HIVEP2: variants seen among roughly 807,000 people sequenced by gnomAD.
The protein encoded by HIVEP2 is HIVEP zinc finger 2.
In HIVEP2, 14 loss-of-function variants were observed where a neutral mutation model predicts 180.7. That is an observed-to-expected ratio of 0.08 (90% confidence interval 0.05 to 0.12). The LOEUF is 0.12. Among genes scored for constraint, HIVEP2 ranks in the 10% least tolerant of loss-of-function variants. The pLI is 1.00. For missense variants in HIVEP2, 2,579 were observed against 3,008.5 expected (o/e 0.86, Z 3.34); for synonymous variants, 1,184 against 1,136.4 (o/e 1.04, Z -0.84).
intron 1 of HIVEP2, among the ~76,000 whole-genome samples, chr6:142,936,824 G>T (rs906130068): frequency 2.6e-5 from 4 of 151,234 alleles, no homozygotes; most frequent in Admixed American, 6.6e-5. Flanking sequence ...TGAAGGCAAG[G>T]AATTTTTTTT....
At chr6:142,789,036 A>AT (rs1776074493) in intron 2 of HIVEP2, among the ~76,000 whole-genome samples, 1 of 152,194 alleles carries the variant, frequency 6.6e-6, no homozygotes, top group South Asian at 2.1e-4. Flanking sequence ...TTTCTCTATG[A>AT]TTATATATAC....
At chr6:142,885,497 A>G (rs1187207312) in intron 1 of HIVEP2, among the ~76,000 whole-genome samples, 1 of 152,140 alleles carries the variant, frequency 6.6e-6, no homozygotes, top group Admixed American at 6.6e-5. Context: ...AAGCTAAACA[A>G]CAAGCCGTGG....
At chr6:142,938,699 C>G (rs1485241042) in intron 1 of HIVEP2, among the ~76,000 whole-genome samples, 1 of 152,242 alleles carries the variant, frequency 6.6e-6, no homozygotes, top group Non-Finnish European at 1.5e-5. Context: ...CATTTACCTA[C>G]TGCCCTAGTT....
At chr6:142,781,568 C>T (rs923098470) in intron 3 of HIVEP2, among the ~76,000 whole-genome samples, 4 of 152,154 alleles carry the variant, frequency 2.6e-5, no homozygotes, top group African/African-American at 4.8e-5. Context: ...CTGGCAGGCT[C>T]ATCACACTTT....
chr6:142,931,882 A>G (rs1329164385), intron 1 of HIVEP2, among the ~76,000 whole-genome samples: 3 of 152,196 alleles, frequency 2.0e-5, no homozygotes, highest in African/African-American at 2.4e-5. Context: ...TCCTTAGACC[A>G]TATATCCCTA....
At chr6:142,794,341 T>C (rs1181202921) in intron 2 of HIVEP2, among the ~76,000 whole-genome samples, 1 of 152,180 alleles carries the variant, frequency 6.6e-6, no homozygotes, top group East Asian at 1.9e-4. Context: ...CTAGGAACTG[T>C]TTCCAAAGTT....
intron 2 of HIVEP2, among the ~76,000 whole-genome samples, chr6:142,787,096 T>TA (rs546332802): frequency 1.2e-4 from 18 of 151,090 alleles, no homozygotes; most frequent in South Asian, 2.1e-4. Flanking sequence ...CCTATCTCTA[T>TA]AAAAAAAAAT....
At chr6:142,916,615 A>G (rs1288596831) in intron 1 of HIVEP2, among the ~76,000 whole-genome samples, 2 of 152,204 alleles carry the variant, frequency 1.3e-5, no homozygotes, top group Non-Finnish European at 2.9e-5. Flanking sequence ...ACTTCATCAA[A>G]GAGATGAAGC....
In HIVEP2 at chr6:142,781,943, A is replaced by T. The variant is rs138720170; in HGVS notation, c.-433+1578T>A. ...CAATCTGGGATCTTTTGCTTAGGAA[A>T]ACATTATCTCAGAAAAAAACCTTAC... On this transcript the variant is annotated intron_variant, in intron 3 of 9. Transcript: ENST00000367603. Among the ~76,000 whole-genome samples, 586 of 152,308 alleles carry T rather than the reference A, an allele frequency of 3.8e-3. 6 individuals carry two copies. The highest frequency in any genetic ancestry group is 0.013 in the African/African-American group (559 of 41,576).
chr6:142,937,425 T>A (rs1276285429), intron 1 of HIVEP2, among the ~76,000 whole-genome samples: 2 of 152,192 alleles, frequency 1.3e-5, no homozygotes, highest in South Asian at 4.1e-4. Flanking sequence ...AACATTCTCA[T>A]AAAAATTTCC....
intron 3 of HIVEP2, among the ~76,000 whole-genome samples, chr6:142,782,541 A>T (rs1775884328): frequency 6.6e-6 from 1 of 152,228 alleles, no homozygotes. Flanking sequence ...AGCCAAATTC[A>T]TTATAAAGGC....
chr6:142,858,341 C>T (rs1247204104), intron 1 of HIVEP2, among the ~76,000 whole-genome samples: 2 of 151,996 alleles, frequency 1.3e-5, no homozygotes, highest in African/African-American at 4.8e-5. Flanking sequence ...CCCCCCTCTC[C>T]CCTACCTAAT....
At chr6:142,787,482 G>A (rs1776031224) in intron 2 of HIVEP2, among the ~76,000 whole-genome samples, 1 of 147,742 alleles carries the variant, frequency 6.8e-6, no homozygotes, top group Non-Finnish European at 1.5e-5. Context: ...AAAGATGGGA[G>A]AAGAGCACTG....
In HIVEP2 at chr6:142,752,975, C is replaced by A; in HGVS notation, c.*132G>T. ...AATTTACCTAATTCTTTTGATATAA[C>A]AAAAGTATATATAATAGCAAACTAC... On this transcript the variant is annotated 3_prime_UTR_variant, in exon 10 of 10. Coordinates refer to ENST00000367603, the MANE Select transcript of HIVEP2 (RefSeq NM_006734.4). 1 of 632,992 alleles carries A rather than the reference C, an allele frequency of 1.6e-6. No homozygotes were observed. The highest frequency in any genetic ancestry group is 2.8e-6 in the Non-Finnish European group (1 of 358,528). The allele number at this position is 632,992 out of a possible 1,614,324, so 39.2% of individuals were successfully genotyped here. A position where few individuals can be genotyped will look rare whatever the true frequency, so the allele number is the denominator to read the frequency against.
chr6:142,907,113 T>C (rs530947988), intron 1 of HIVEP2, among the ~76,000 whole-genome samples: 2 of 152,334 alleles, frequency 1.3e-5, no homozygotes, highest in East Asian at 3.9e-4. Flanking sequence ...GAATGGTCCG[T>C]AGCATATTCA....
intron 1 of HIVEP2, among the ~76,000 whole-genome samples, chr6:142,854,960 G>T (rs561850756): frequency 6.6e-6 from 1 of 152,324 alleles, no homozygotes; most frequent in African/African-American, 2.4e-5. Context: ...GGCAAGGAAC[G>T]TTAAGTAACT....
intron 1 of HIVEP2, among the ~76,000 whole-genome samples, chr6:142,936,445 G>A (rs9496483): frequency 2.6e-5 from 4 of 151,470 alleles, no homozygotes; most frequent in East Asian, 1.9e-4. Context: ...CCACCTCAGC[G>A]TCCCAAAATG....
intron 1 of HIVEP2, among the ~76,000 whole-genome samples, chr6:142,871,551 T>C (rs1776289471): frequency 6.6e-6 from 1 of 152,078 alleles, no homozygotes. Flanking sequence ...CATTTTTATA[T>C]TATAAATATA....
intron 1 of HIVEP2, among the ~76,000 whole-genome samples, chr6:142,908,696 C>G (rs545796824): frequency 9.2e-5 from 14 of 151,984 alleles, no homozygotes; most frequent in Admixed American, 9.2e-4. Context: ...TAACTTGGTG[C>G]CTTCAGGTTG....
Sources: allele counts gnomAD v4.1 joint callset (sites outside exome capture counted in the v4.1 genomes callset), GRCh38; gene constraint gnomAD v4.1.1; transcripts MANE v1.5; gene names NCBI Gene and HGNC (gene_info 2026-07-23, HGNC 2026-07-21).